VPS8: variants seen among roughly 807,000 people sequenced by gnomAD.
The protein encoded by VPS8 is VPS8 subunit of CORVET complex.
A neutral mutation model predicts 216.4 loss-of-function variants in VPS8; 129 were observed. The observed-to-expected ratio is 0.60, with a 90% CI of 0.52 to 0.69. VPS8 has a LOEUF of 0.69. Among genes scored for constraint, VPS8 ranks in the 30% least tolerant of loss-of-function variants. The pLI, the probability that VPS8 is intolerant of heterozygous loss-of-function variation, is 0.00. For missense variants in VPS8, 1,531 were observed against 1,683.5 expected (o/e 0.91, Z 1.59); for synonymous variants, 571 against 565.4 (o/e 1.01, Z -0.14).
chr3:185,032,843 A>G (rs1758364136), intron 46 of VPS8, among the ~76,000 whole-genome samples: 1 of 151,742 alleles, frequency 6.6e-6, no homozygotes, highest in Non-Finnish European at 1.5e-5. Context: ...TTTTTTTTGT[A>G]TTTTTAGTAG....
chr3:184,978,639 A>G (rs1212434363), intron 40 of VPS8, among the ~76,000 whole-genome samples: 5 of 151,934 alleles, frequency 3.3e-5, no homozygotes, highest in Non-Finnish European at 7.4e-5. Flanking sequence ...GACTCAAGCA[A>G]TCTCCCCACC....
intron 39 of VPS8, among the ~76,000 whole-genome samples, chr3:184,969,152 C>T (rs888383807): frequency 6.6e-6 from 1 of 152,132 alleles, no homozygotes; most frequent in Admixed American, 6.6e-5. Context: ...GCGTCTCGCT[C>T]TGTTGCCCAG....
chr3:184,862,774 T>A (rs1726607821), intron 15 of VPS8, 123 bp from the exon 16 acceptor site: 2 of 959,818 alleles, frequency 2.1e-6, no homozygotes, highest in East Asian at 2.5e-5. Flanking sequence ...TGTGTTGCCA[T>A]GTAAATTGTT....
chr3:185,046,130 CA>C (rs771021241), intron 46 of VPS8, among the ~76,000 whole-genome samples: 8 of 152,176 alleles, frequency 5.3e-5, no homozygotes, highest in South Asian at 2.1e-4. Context: ...CCTTCTCTTC[CA>C]GTTGGAAAAT....
chr3:184,973,389 T>C (rs1748748480), intron 40 of VPS8, among the ~76,000 whole-genome samples: 1 of 152,152 alleles, frequency 6.6e-6, no homozygotes, highest in Non-Finnish European at 1.5e-5. Flanking sequence ...CAGCTTCCCA[T>C]AGGAAACTTA....
chr3:184,965,198 G>C (rs987621434), intron 38 of VPS8, among the ~76,000 whole-genome samples: 1 of 152,060 alleles, frequency 6.6e-6, no homozygotes, highest in African/African-American at 2.4e-5. Context: ...ATAGATTAGG[G>C]ATATCATATT....
At chr3:184,907,756 A>G (rs1038740544) in intron 25 of VPS8, among the ~76,000 whole-genome samples, 1 of 152,158 alleles carries the variant, frequency 6.6e-6, no homozygotes, top group Non-Finnish European at 1.5e-5. Flanking sequence ...GTCTCCAAAT[A>G]TTGTTGAATT....
intron 25 of VPS8, among the ~76,000 whole-genome samples, chr3:184,905,685 A>G (rs1282222952): frequency 6.6e-6 from 1 of 150,938 alleles, no homozygotes; most frequent in Non-Finnish European, 1.5e-5. Context: ...GCTCAATATC[A>G]ATATATAAAA....
rs146386749 is a variant in VPS8 at position 185,020,810 on chromosome 3, C to T, written c.4003-3526C>T. Among the ~76,000 whole-genome samples the T allele has an allele frequency of 5.0e-3, 756 of 152,310 alleles. 2 individuals carry two copies. The highest frequency in any genetic ancestry group is 0.017 in the African/African-American group (714 of 41,566). Reference sequence around the variant, plus strand: ...AACAAAAGCCAGCTGTGGTGGCTCACGCCTGTAATTCCAACATTTTGGGAG... The same window carrying T: ...AACAAAAGCCAGCTGTGGTGGCTCATGCCTGTAATTCCAACATTTTGGGAG... On this transcript the variant is annotated intron_variant, in intron 45 of 47. Transcript: ENST00000625842.
chr3:184,961,343 G>C (rs1419258650), intron 37 of VPS8, among the ~76,000 whole-genome samples: 1 of 152,096 alleles, frequency 6.6e-6, no homozygotes, highest in African/African-American at 2.4e-5. Flanking sequence ...TGTATTTTCT[G>C]CATCTGCCTC....
At chr3:184,844,520 C>G (rs1433620104) in intron 8 of VPS8, among the ~76,000 whole-genome samples, 1 of 152,128 alleles carries the variant, frequency 6.6e-6, no homozygotes, top group Non-Finnish European at 1.5e-5. Context: ...CACAATTAAA[C>G]TGGATTCCTA....
At chr3:185,009,717 A>G (rs1754737132) in intron 45 of VPS8, among the ~76,000 whole-genome samples, 1 of 152,140 alleles carries the variant, frequency 6.6e-6, no homozygotes, top group Non-Finnish European at 1.5e-5. Context: ...AAATGACATA[A>G]ACCCTAAGAT....
At chr3:185,026,097 T>C (rs1479063777) in intron 46 of VPS8, among the ~76,000 whole-genome samples, 2 of 152,174 alleles carry the variant, frequency 1.3e-5, no homozygotes, top group African/African-American at 4.8e-5. Context: ...TATAATATTG[T>C]TCATTCAGCA....
chr3:184,943,689 AT>A (rs1188536543), intron 36 of VPS8, among the ~76,000 whole-genome samples: 2 of 152,344 alleles, frequency 1.3e-5, no homozygotes, highest in East Asian at 3.9e-4. Context: ...TTATTTTGAG[AT>A]GAGGACTGCT....
chr3:184,846,137 T>C (rs1316579257), intron 8 of VPS8, among the ~76,000 whole-genome samples: 1 of 152,162 alleles, frequency 6.6e-6, no homozygotes, highest in Non-Finnish European at 1.5e-5. Flanking sequence ...GGGGTAGGGG[T>C]GGAATTAAAA....
At chr3:184,885,104 GC>G (rs1560521510) in intron 21 of VPS8, among the ~76,000 whole-genome samples, 1 of 152,174 alleles carries the variant, frequency 6.6e-6, no homozygotes, top group Non-Finnish European at 1.5e-5. Flanking sequence ...ATCAGGGATA[GC>G]CCTATAATCC....
At chr3:185,028,557 T>C (rs1049377167) in intron 46 of VPS8, among the ~76,000 whole-genome samples, 3 of 152,192 alleles carry the variant, frequency 2.0e-5, no homozygotes, top group African/African-American at 7.2e-5. Context: ...GAAAGACCAA[T>C]TGGAAGAGTA....
chr3:184,930,566 G>C lies in VPS8; in HGVS notation c.2896G>C (p.Glu966Gln), dbSNP rs774081193. 6.2e-7 allele frequency: 1 copy of C among 1,610,988 alleles called. No homozygotes were observed. Among genetic ancestry groups the C allele is most frequent in the South Asian group, 1.1e-5 (1 of 90,958 alleles). The change falls in exon 34 of 48, where the codon GAG becomes CAG. Residue 966 changes from glutamate (E) to glutamine (Q), a missense_variant and splice_region_variant. Glu to Gln is a conservative substitution (Grantham distance 29, BLOSUM62 2). Transcript: ENST00000625842. Reference sequence around the variant, plus strand: ...ATGGCAGAAAGCAATGGATCATATTGAGGTACTGATGCGCAAAACTTCACA... The same window carrying C: ...ATGGCAGAAAGCAATGGATCATATTCAGGTACTGATGCGCAAAACTTCACA... ...SVWQKAMDHI[E>Q]ELVSLKPCKA... is the part of the protein sequence containing the mutation.
At position 185,050,714 on chromosome 3, in the gene VPS8, T is replaced by C. The variant is rs116840461; in HGVS notation, c.4138-1162T>C. ...AGACACTTGATACAGTCACCAGAGG[T>C]TGTTAGACATCCCCTCGGACTCCTG... On this transcript the variant is annotated intron_variant, in intron 47 of 47. Transcript: ENST00000625842. 4.6e-3 allele frequency among the ~76,000 whole-genome samples: 706 copies of C among 152,182 alleles called. 8 individuals are homozygous for C. The highest frequency in any genetic ancestry group is 0.016 in the African/African-American group (663 of 41,526).
Sources: gnomAD v4.1 joint callset for allele counts (sites outside exome capture counted in the v4.1 genomes callset) on GRCh38, gnomAD v4.1.1 for gene constraint, MANE v1.5 for transcripts, NCBI Gene and HGNC (gene_info 2026-07-23, HGNC 2026-07-21) for gene names.